RNF130: variants seen among roughly 807,000 people sequenced by gnomAD.
The protein encoded by RNF130 is E3 ubiquitin-protein ligase RNF130.
A neutral mutation model predicts 44.6 loss-of-function variants in RNF130; 21 were observed. The observed-to-expected ratio is 0.47, with a 90% CI of 0.33 to 0.68. The LOEUF (loss-of-function observed/expected upper bound fraction) is 0.68, where lower values mean the gene tolerates loss of function less well. Among genes scored for constraint, RNF130 ranks in the 30% least tolerant of loss-of-function variants. The pLI, the probability that RNF130 is intolerant of heterozygous loss-of-function variation, is 0.02. For missense variants in RNF130, 479 were observed against 560.6 expected (o/e 0.85, Z 1.47); for synonymous variants, 214 against 210.4 (o/e 1.02, Z -0.15).
intron 7 of RNF130, among the ~76,000 whole-genome samples, chr5:179,929,866 C>T (rs1024323381): frequency 6.6e-6 from 1 of 152,128 alleles, no homozygotes; most frequent in African/African-American, 2.4e-5. Flanking sequence ...GAGCTAACAC[C>T]TCCATAGTAT....
rs189868121 is a variant in RNF130, at chr5:180,017,143, A to G, written c.443-3832T>C. ...TCACTTCCGGTCCATTCATCACAACACTGACCTTTTTAAAGAGTCCAATCC... is the reference window on the plus strand; with the variant it reads ...TCACTTCCGGTCCATTCATCACAACGCTGACCTTTTTAAAGAGTCCAATCC... On this transcript the variant is annotated intron_variant, in intron 2 of 8. Coordinates refer to ENST00000521389, the MANE Select transcript of RNF130 (RefSeq NM_018434.6). 2.8e-3 allele frequency among the ~76,000 whole-genome samples: 422 copies of G among 152,258 alleles called. 3 individuals carry two copies. The highest frequency in any genetic ancestry group is 0.01 in the Admixed American group (159 of 15,296).
At chr5:179,958,166 C>T (rs912405766) in intron 8 of RNF130, among the ~76,000 whole-genome samples, 2 of 152,184 alleles carry the variant, frequency 1.3e-5, no homozygotes, top group Non-Finnish European at 2.9e-5. Flanking sequence ...CGTGAGCCAC[C>T]GCGCCCGGCC....
At chr5:179,996,203 C>A (rs1256010037) in intron 3 of RNF130, among the ~76,000 whole-genome samples, 2 of 152,068 alleles carry the variant, frequency 1.3e-5, no homozygotes, top group Non-Finnish European at 2.9e-5. Context: ...GTATTTTATT[C>A]TTTTTTGGTG....
At chr5:180,058,842 T>C (rs1315170924) in intron 1 of RNF130, among the ~76,000 whole-genome samples, 2 of 152,122 alleles carry the variant, frequency 1.3e-5, no homozygotes, top group African/African-American at 4.8e-5. Flanking sequence ...GATTACAGGC[T>C]GAGCCACTGC....
At chr5:179,951,137 T>C (rs1195306424), downstream of RNF130, among the ~76,000 whole-genome samples, 1 of 152,190 alleles carries the variant, frequency 6.6e-6, no homozygotes, top group Non-Finnish European at 1.5e-5. Flanking sequence ...GGTGTATGAA[T>C]AACCAGTGCA....
At chr5:179,981,364 G>A (rs1370744339) in intron 3 of RNF130, among the ~76,000 whole-genome samples, 2 of 152,208 alleles carry the variant, frequency 1.3e-5, no homozygotes, top group African/African-American at 2.4e-5. Flanking sequence ...TGCCGCTCCT[G>A]ACGGAGCAAG....
At chr5:179,996,571 A>G (rs747203764) in intron 3 of RNF130, among the ~76,000 whole-genome samples, 5 of 152,228 alleles carry the variant, frequency 3.3e-5, no homozygotes, top group Non-Finnish European at 7.3e-5. Context: ...TGGCATTACC[A>G]CATGGTTTTT....
chr5:180,031,323 G>A (rs1764126374), intron 2 of RNF130, among the ~76,000 whole-genome samples: 1 of 152,006 alleles, frequency 6.6e-6, no homozygotes, highest in Non-Finnish European at 1.5e-5. Flanking sequence ...CCCAACTCTA[G>A]TGAAAATACA....
chr5:180,046,874 G>A (rs1269859158), intron 1 of RNF130, among the ~76,000 whole-genome samples: 5 of 152,134 alleles, frequency 3.3e-5, no homozygotes, highest in East Asian at 1.9e-4. Context: ...CTTTCCTTCC[G>A]GAATGTGAGG....
intron 7 of RNF130, among the ~76,000 whole-genome samples, chr5:179,929,513 C>T (rs778605324): frequency 3.3e-5 from 5 of 152,096 alleles, no homozygotes; most frequent in Non-Finnish European, 7.4e-5. Context: ...TTTAGGAGGC[C>T]AAGGTGGGAG....
intron 7 of RNF130, among the ~76,000 whole-genome samples, chr5:179,942,965 G>A (rs1761985902): frequency 6.6e-6 from 1 of 152,218 alleles, no homozygotes; most frequent in African/African-American, 2.4e-5. Flanking sequence ...GAGAGGCCGA[G>A]GAGGGTGGAT....
intron 7 of RNF130, among the ~76,000 whole-genome samples, chr5:179,922,373 C>CAA: frequency 6.6e-6 from 1 of 151,988 alleles, no homozygotes; most frequent in African/African-American, 2.4e-5. Flanking sequence ...TGTGCAATGG[C>CAA]GCCATCTCGG....
chr5:180,067,853 G>A lies in RNF130; in HGVS notation c.247+3603C>T, dbSNP rs118109046. Among the ~76,000 whole-genome samples the A allele has an allele frequency of 9.6e-4, 146 of 152,120 alleles. No homozygotes were observed. The East Asian group carries it at 0.025, about 26-fold the overall frequency. On this transcript the variant is annotated intron_variant, in intron 1 of 8. Transcript: ENST00000521389. Reference sequence around the variant, plus strand: ...CCCCTTTCACCCAAATCCTGTTTTCGCATCAATCTCCTCCACTGTTCATGA... The same window carrying A: ...CCCCTTTCACCCAAATCCTGTTTTCACATCAATCTCCTCCACTGTTCATGA...
At chr5:180,047,803 C>T (rs1480044299) in intron 1 of RNF130, among the ~76,000 whole-genome samples, 3 of 152,176 alleles carry the variant, frequency 2.0e-5, no homozygotes, top group African/African-American at 7.2e-5. Context: ...CCTGCCCCAG[C>T]CAAGCGCTCT....
intron 2 of RNF130, among the ~76,000 whole-genome samples, chr5:180,036,553 A>G (rs1224495966): frequency 6.6e-6 from 1 of 152,246 alleles, no homozygotes; most frequent in Non-Finnish European, 1.5e-5. Context: ...CCTGAAGTCT[A>G]GAAGTTTTTC....
At chr5:180,064,856 T>C (rs969177479) in intron 1 of RNF130, among the ~76,000 whole-genome samples, 1 of 152,166 alleles carries the variant, frequency 6.6e-6, no homozygotes, top group East Asian at 1.9e-4. Flanking sequence ...ACAAAACCAG[T>C]AAGAGCATTA....
intron 4 of RNF130, among the ~76,000 whole-genome samples, chr5:179,978,955 C>T (rs1762772500): frequency 6.6e-6 from 1 of 152,110 alleles, no homozygotes; most frequent in Non-Finnish European, 1.5e-5. Flanking sequence ...GAACCTAAGC[C>T]AAGAAAACAG....
At chr5:179,980,528 C>T (rs1762810020) in intron 3 of RNF130, 1 of 286,004 alleles carries the variant, frequency 3.5e-6, no homozygotes, top group African/African-American at 2.2e-5. Flanking sequence ...CACTATCAAA[C>T]CTACTTCTTG....
At position 179,998,859 on chromosome 5, in the gene RNF130, T is replaced by TTATATATA. The variant is rs61232613; in HGVS notation, c.693+14194_693+14201dup. The stretch of plus-strand genomic sequence containing the variant: ...TCTCTCTCTTTAGATCTAGTATTTT[T>TTATATATA]TATATATATATATATATATATATAT... On this transcript the variant is annotated intron_variant, in intron 3 of 8. Coordinates refer to ENST00000521389, the MANE Select transcript of RNF130 (RefSeq NM_018434.6). Among the ~76,000 whole-genome samples the TTATATATA allele has an allele frequency of 1.4e-3, 122 of 88,724 alleles. 1 individual carries two copies. The highest frequency in any genetic ancestry group is 4.0e-3 in the African/African-American group (94 of 23,652). The allele number at this position is 88,724 out of a possible 152,430, so 58.2% of individuals were successfully genotyped here.
Sources: gnomAD v4.1 joint callset for allele counts (sites outside exome capture counted in the v4.1 genomes callset) on GRCh38, gnomAD v4.1.1 for gene constraint, MANE v1.5 for transcripts, NCBI Gene and HGNC (gene_info 2026-07-23, HGNC 2026-07-21) for gene names.